Variants in ATP8B4 observed in about 807,000 individuals in gnomAD.
The protein encoded by ATP8B4 is probable phospholipid-transporting ATPase IM.
Under a neutral mutation model 145.6 loss-of-function variants are expected in ATP8B4, and 133 were observed. The ratio of observed to expected loss-of-function variants is 0.91; its 90% confidence interval spans 0.79 to 1.05. The LOEUF (loss-of-function observed/expected upper bound fraction) is 1.05. Ranked by LOEUF, ATP8B4 falls within the 50% of genes least tolerant of loss-of-function variation. The pLI, the probability that ATP8B4 is intolerant of heterozygous loss-of-function variation, is 0.00. For synonymous variants in ATP8B4, 507 were observed against 492.9 expected, an observed-to-expected ratio of 1.03 and a Z score of -0.38; for missense variants, 1,458 against 1,425.2, an observed-to-expected ratio of 1.02 and a Z score of -0.37.
intron 14 of ATP8B4, among the ~76,000 whole-genome samples, chr15:49,947,461 C>T (rs1287432599): frequency 7.5e-6 from 1 of 133,780 alleles, no homozygotes. Flanking sequence ...AAAAAGAAAA[C>T]ATTGATGAAA....
chr15:50,144,421 G>A (rs1205195366), intron 1 of ATP8B4, among the ~76,000 whole-genome samples: 2 of 152,188 alleles, frequency 1.3e-5, no homozygotes, highest in African/African-American at 4.8e-5. Flanking sequence ...CGCATGGCTG[G>A]GGAGGCCTCA....
chr15:49,876,653 C>G, intron 24 of ATP8B4, 130 bp from the exon 25 acceptor site: 3 of 1,239,414 alleles, frequency 2.4e-6, no homozygotes, highest in Non-Finnish European at 3.5e-6. Flanking sequence ...TGGGCCAGAA[C>G]AGGACATTAT....
chr15:49,905,809 C>A (rs897261631), intron 20 of ATP8B4, among the ~76,000 whole-genome samples: 2 of 152,050 alleles, frequency 1.3e-5, no homozygotes, highest in Admixed American at 1.3e-4. Flanking sequence ...TCAGATAATA[C>A]AAACAGCCAT....
chr15:50,039,083 TTA>T (rs902140804), intron 5 of ATP8B4, among the ~76,000 whole-genome samples: 3 of 152,186 alleles, frequency 2.0e-5, no homozygotes, highest in Non-Finnish European at 4.4e-5. Context: ...CTCCACACGT[TTA>T]GTTGCTTCTA....
At chr15:50,173,191 G>A (rs916795259) in intron 1 of ATP8B4, among the ~76,000 whole-genome samples, 9 of 151,940 alleles carry the variant, frequency 5.9e-5, no homozygotes, top group Non-Finnish European at 1.0e-4. Context: ...CCGTCTGGGA[G>A]GTGTACCCAA....
In ATP8B4 at chr15:49,903,826, G is replaced by A. The variant is rs201633387; in HGVS notation, c.2142-2587C>T. ...GGAGAATCACTTGAACCTGGGAGGCGGAGGTTGCAGTGAGCCAAGATGGCG... is the reference window on the plus strand; with the variant it reads ...GGAGAATCACTTGAACCTGGGAGGCAGAGGTTGCAGTGAGCCAAGATGGCG... On this transcript the variant is annotated intron_variant, in intron 20 of 27. Transcript: ENST00000284509. 1.1e-4 allele frequency among the ~76,000 whole-genome samples: 16 copies of A among 152,062 alleles called. No homozygotes were observed. The East Asian group carries it at 2.1e-3, about 20-fold the overall frequency.
chr15:50,023,779 C>CAAAAAAAAAAAAAAAAAAAAAAAAAA (rs60030651), intron 6 of ATP8B4, among the ~76,000 whole-genome samples: 15 of 75,052 alleles, frequency 2.0e-4, no homozygotes, highest in East Asian at 3.8e-4. Context: ...AGACCAAAGG[C>CAAAAAAAAAAAAAAAAAAAAAAAAAA]AAAAAAAAAA....
At chr15:49,934,409 C>G (rs1394992970) in intron 14 of ATP8B4, among the ~76,000 whole-genome samples, 2 of 151,904 alleles carry the variant, frequency 1.3e-5, no homozygotes, top group Non-Finnish European at 2.9e-5. Context: ...AGAAAAATCA[C>G]AAAACTATAT....
chr15:50,145,490 G>A (rs2044264373), intron 1 of ATP8B4, among the ~76,000 whole-genome samples: 1 of 152,148 alleles, frequency 6.6e-6, no homozygotes, highest in Non-Finnish European at 1.5e-5. Context: ...GTGGGAGTCT[G>A]TCCTAAACAC....
chr15:50,114,283 AG>A (rs999044487), intron 1 of ATP8B4: 2 of 151,628 alleles, frequency 1.3e-5, no homozygotes, highest in Non-Finnish European at 2.9e-5. Context: ...TTTCCCCCTG[AG>A]TCCATAAAGT....
At chr15:50,004,935 G>C (rs554834556) in intron 7 of ATP8B4, among the ~76,000 whole-genome samples, 5 of 152,150 alleles carry the variant, frequency 3.3e-5, no homozygotes, top group Non-Finnish European at 5.9e-5. Context: ...TGCAACGTTG[G>C]GTTGGTAGTT....
chr15:50,107,170 G>A (rs921994106), intron 1 of ATP8B4, among the ~76,000 whole-genome samples, 162 bp from the exon 2 acceptor site: 61 of 152,250 alleles, frequency 4.0e-4, no homozygotes, highest in Middle Eastern at 6.8e-3. Flanking sequence ...AGCCAGATAA[G>A]AATAATTCTG....
chr15:50,178,158 A>G (rs2044791314), intron 1 of ATP8B4, among the ~76,000 whole-genome samples: 1 of 152,132 alleles, frequency 6.6e-6, no homozygotes, highest in Admixed American at 6.5e-5. Context: ...GTTTAAGGAA[A>G]AGAGGGGTCT....
chr15:49,917,191 T>C (rs921371886), intron 19 of ATP8B4, 152 bp from the exon 20 acceptor site: 6 of 619,664 alleles, frequency 9.7e-6, no homozygotes, highest in African/African-American at 9.3e-5. Context: ...ATACAAGCAG[T>C]GCAGAGGGAA....
At chr15:49,970,924 T>C (rs529321604) in intron 13 of ATP8B4, among the ~76,000 whole-genome samples, 1 of 152,186 alleles carries the variant, frequency 6.6e-6, no homozygotes, top group South Asian at 2.1e-4. Context: ...AAAAGAGATA[T>C]ATAGACCAAC....
intron 1 of ATP8B4, among the ~76,000 whole-genome samples, chr15:50,152,559 C>A (rs1300747411): frequency 1.3e-5 from 2 of 152,066 alleles, no homozygotes; most frequent in African/African-American, 2.4e-5. Context: ...GAGGCTCTCC[C>A]AGGGCCTATC....
At chr15:50,157,476 C>A (rs2044436779) in intron 1 of ATP8B4, among the ~76,000 whole-genome samples, 1 of 152,130 alleles carries the variant, frequency 6.6e-6, no homozygotes, top group Non-Finnish European at 1.5e-5. Context: ...ATTTCAATAG[C>A]TTTTACGGTA....
At chr15:49,877,558 G>C (rs1324043456) in intron 24 of ATP8B4, among the ~76,000 whole-genome samples, 1 of 152,122 alleles carries the variant, frequency 6.6e-6, no homozygotes. Context: ...AGATGCTTTT[G>C]GATGCTTGTT....
At chr15:50,090,221 A>G (rs994816089) in intron 2 of ATP8B4, among the ~76,000 whole-genome samples, 8 of 152,122 alleles carry the variant, frequency 5.3e-5, no homozygotes, top group Non-Finnish European at 8.8e-5. Flanking sequence ...GGGTAGGGGA[A>G]CAACGGGAGG....
Sources: gnomAD v4.1 joint callset for allele counts (sites outside exome capture counted in the v4.1 genomes callset) on GRCh38, gnomAD v4.1.1 for gene constraint, MANE v1.5 for transcripts, NCBI Gene and HGNC (gene_info 2026-07-23, HGNC 2026-07-21) for gene names.